The following BCL2 variants were observed in gnomAD, a reference collection of about 807,000 sequenced individuals.
BCL2 encodes apoptosis regulator Bcl-2.
BCL2 carries 1 observed loss-of-function variant against 14.2 expected under a neutral mutation model. The observed-to-expected ratio is 0.07, with a 90% CI of 0.02 to 0.33. The LOEUF (loss-of-function observed/expected upper bound fraction) is 0.33. Among genes scored for constraint, BCL2 ranks in the 10% least tolerant of loss-of-function variants. BCL2 has a pLI of 0.99. For synonymous variants in BCL2, 151 were observed against 137.2 expected (o/e 1.10, Z -0.70); for missense variants, 247 against 305.9 (o/e 0.81, Z 1.44).
intron 2 of BCL2, among the ~76,000 whole-genome samples, chr18:63,313,339 A>G (rs1198181375): frequency 6.6e-6 from 1 of 152,168 alleles, no homozygotes; most frequent in Admixed American, 6.5e-5. Context: ...CTTAGACATC[A>G]AACATTAAGG....
At chr18:63,287,626 A>C (rs79969152) in intron 2 of BCL2, among the ~76,000 whole-genome samples, 518 of 152,322 alleles carry the variant, frequency 3.4e-3, no homozygotes, top group Non-Finnish European at 5.7e-3. Flanking sequence ...GCTACACAAA[A>C]ATGATGAATT....
At chr18:63,186,628 C>T (rs1915600034) in intron 2 of BCL2, among the ~76,000 whole-genome samples, 1 of 152,180 alleles carries the variant, frequency 6.6e-6, no homozygotes, top group Non-Finnish European at 1.5e-5. Context: ...ATGTTGATAT[C>T]TGCATTGGCA....
chr18:63,149,258 C>T lies in BCL2; in HGVS notation c.586-20499G>A, dbSNP rs986117216. Among the ~76,000 whole-genome samples, 94 of 152,186 alleles carry T rather than the reference C, an allele frequency of 6.2e-4. No individual in the cohort carries two copies. The highest frequency in any genetic ancestry group is 2.2e-3 in the African/African-American group (91 of 41,426). On this transcript the variant is annotated intron_variant, in intron 2 of 2. Coordinates refer to ENST00000333681, the MANE Select transcript of BCL2 (RefSeq NM_000633.3). The surrounding 1 kb of genome is among the most constrained non-coding windows in gnomAD (Gnocchi z 4.2). ...GTTCCAACACAGATCATCAGGCATT[C>T]GGTTCCCATAAGGAGCACACAACCT...
intron 1 of BCL2, 108 bp from the exon 2 acceptor site, chr18:63,319,060 A>G: frequency 9.2e-7 from 1 of 1,086,652 alleles, no homozygotes; most frequent in Non-Finnish European, 1.1e-6. Flanking sequence ...ACGGCTAAAA[A>G]GAATGTATTA....
rs555490687 is a variant in BCL2 at position 63,140,638 on chromosome 18, G to A, written c.586-11879C>T. On this transcript the variant is annotated intron_variant, in intron 2 of 2. Transcript: ENST00000333681. ...AAAAGTGGATTAGAGGTTCCCAGGA[G>A]ATGGGGAGACGGGGAGACTAGGGAG... Among the ~76,000 whole-genome samples, 15 of 152,362 alleles carry A rather than the reference G, an allele frequency of 9.8e-5. No homozygotes were observed. In the South Asian group the frequency reaches 3.1e-3, roughly 32 times the overall value.
At chr18:63,268,900 G>A (rs1911919993) in intron 2 of BCL2, among the ~76,000 whole-genome samples, 1 of 152,026 alleles carries the variant, frequency 6.6e-6, no homozygotes, top group African/African-American at 2.4e-5. Context: ...CCCAATCCAT[G>A]AAAGTATTAA....
chr18:63,263,885 G>A (rs1374993034), intron 2 of BCL2, among the ~76,000 whole-genome samples: 1 of 152,150 alleles, frequency 6.6e-6, no homozygotes, highest in Non-Finnish European at 1.5e-5. Flanking sequence ...GAGTGCAATA[G>A]TGCAATCTCA....
intron 2 of BCL2, among the ~76,000 whole-genome samples, chr18:63,135,925 G>A (rs891068148): frequency 1.3e-5 from 2 of 152,076 alleles, no homozygotes; most frequent in African/African-American, 4.8e-5. Flanking sequence ...CCCCCACAGA[G>A]ACCACCAATA....
chr18:63,244,420 A>C (rs66740031), intron 2 of BCL2, among the ~76,000 whole-genome samples: 40,171 of 148,922 alleles, frequency 0.27, 6,348 homozygotes, highest in Non-Finnish European at 0.36. Context: ...TTAGCCAGGC[A>C]TGGTGACGGG....
intron 2 of BCL2, among the ~76,000 whole-genome samples, chr18:63,155,373 T>C (rs907143252): frequency 6.6e-6 from 1 of 151,994 alleles, no homozygotes; most frequent in Non-Finnish European, 1.5e-5. Flanking sequence ...GTCAACAGTA[T>C]CGGATGAGTC....
chr18:63,129,901 G>C (rs1320285168), intron 2 of BCL2, among the ~76,000 whole-genome samples: 1 of 152,260 alleles, frequency 6.6e-6, no homozygotes, highest in African/African-American at 2.4e-5. Flanking sequence ...TAGACTGGAC[G>C]ACCACAACTC....
At chr18:63,192,133 G>T (rs771723508) in intron 2 of BCL2, among the ~76,000 whole-genome samples, 4 of 152,292 alleles carry the variant, frequency 2.6e-5, no homozygotes, top group East Asian at 1.9e-4. Flanking sequence ...AATATTCAGA[G>T]AATTAAAGTA....
intron 2 of BCL2, among the ~76,000 whole-genome samples, chr18:63,202,104 T>C (rs1325832816): frequency 1.3e-5 from 2 of 151,414 alleles, no homozygotes; most frequent in African/African-American, 4.9e-5. Flanking sequence ...AGGTCAGGAG[T>C]TTCTGACCAG....
At chr18:63,219,971 A>G (rs1447072246) in intron 2 of BCL2, among the ~76,000 whole-genome samples, 2 of 152,148 alleles carry the variant, frequency 1.3e-5, no homozygotes, top group Non-Finnish European at 2.9e-5. Flanking sequence ...CGGGGCCTTT[A>G]TTTCCTTCCA....
intron 2 of BCL2, among the ~76,000 whole-genome samples, chr18:63,240,355 T>G (rs1330183801): frequency 6.6e-6 from 1 of 152,130 alleles, no homozygotes; most frequent in Non-Finnish European, 1.5e-5. Context: ...TTAAGACCCA[T>G]AGCATTTAAT....
intron 2 of BCL2, among the ~76,000 whole-genome samples, chr18:63,145,090 T>C (rs562938162): frequency 6.6e-6 from 1 of 152,340 alleles, no homozygotes; most frequent in Non-Finnish European, 1.5e-5. Flanking sequence ...CAGGGCTGCT[T>C]CACAGGGAAT....
chr18:63,187,397 C>G (rs955631674), intron 2 of BCL2, among the ~76,000 whole-genome samples: 1 of 152,178 alleles, frequency 6.6e-6, no homozygotes, highest in African/African-American at 2.4e-5. Flanking sequence ...ACTGTGTGCC[C>G]TTTTATCTCT....
chr18:63,278,314 T>A (rs1912215067), intron 2 of BCL2, among the ~76,000 whole-genome samples: 1 of 152,242 alleles, frequency 6.6e-6, no homozygotes, highest in Admixed American at 6.5e-5. Flanking sequence ...GAAGGTCATA[T>A]TCTACAGGAT....
At chr18:63,196,019 T>G (rs1443220504) in intron 2 of BCL2, among the ~76,000 whole-genome samples, 1 of 152,228 alleles carries the variant, frequency 6.6e-6, no homozygotes, top group Non-Finnish European at 1.5e-5. Context: ...AACCAGCTTT[T>G]AGGTACAGCG....
Sources: gnomAD v4.1 joint callset for allele counts (sites outside exome capture counted in the v4.1 genomes callset) on GRCh38, gnomAD v4.1.1 for gene constraint, Gnocchi (gnomAD v3.1) non-coding constraint, MANE v1.5 for transcripts, NCBI Gene and HGNC (gene_info 2026-07-23, HGNC 2026-07-21) for gene names.